SGCD: variants seen among roughly 807,000 people sequenced by gnomAD.
SGCD encodes the protein sarcoglycan delta, also known as delta-sarcoglycan.
In SGCD, 18 loss-of-function variants were observed where a neutral mutation model predicts 36.6. The ratio of observed to expected loss-of-function variants is 0.49; its 90% CI spans 0.34 to 0.73. SGCD has a LOEUF of 0.73. Ranked by LOEUF, SGCD falls within the 30% of genes least tolerant of loss-of-function variation. SGCD has a pLI of 0.01. For synonymous variants in SGCD, 133 were observed against 130.6 expected (o/e 1.02, Z -0.12); for missense variants, 387 against 346.7 (o/e 1.12, Z -0.92).
chr5:155,909,537 C>T (rs1476558648), intron 1 of SGCD, among the ~76,000 whole-genome samples: 1 of 152,100 alleles, frequency 6.6e-6, no homozygotes, highest in African/African-American at 2.4e-5. Flanking sequence ...AATGCCACTT[C>T]TAGGATGGAA....
chr5:155,898,768 T>A (rs1244433348), intron 1 of SGCD, among the ~76,000 whole-genome samples: 1 of 152,070 alleles, frequency 6.6e-6, no homozygotes, highest in Non-Finnish European at 1.5e-5. Flanking sequence ...GCTCGTGAGG[T>A]TGCTTTCGAA....
At chr5:155,799,475 C>T in the SGCD span, among the ~76,000 whole-genome samples, 2 of 151,346 alleles carry the variant, frequency 1.3e-5, no homozygotes, top group African/African-American at 4.9e-5. Flanking sequence ...CTCACTGCAA[C>T]CTTCGTCTCC....
chr5:156,462,416 G>T (rs957462536), intron 3 of SGCD, among the ~76,000 whole-genome samples: 144 of 152,172 alleles, frequency 9.5e-4, no homozygotes, highest in Admixed American at 2.7e-3. Flanking sequence ...AAACCAAAGA[G>T]ATATTTCTTA....
intron 1 of SGCD, among the ~76,000 whole-genome samples, chr5:156,083,439 C>G (rs760684364): frequency 4.3e-4 from 66 of 151,836 alleles, no homozygotes; most frequent in Non-Finnish European, 1.8e-4. Context: ...GGATTACAGG[C>G]ATGCGCCACC....
chr5:155,870,126 T>C (rs1241916299), upstream of SGCD, among the ~76,000 whole-genome samples: 1 of 152,194 alleles, frequency 6.6e-6, no homozygotes, highest in Non-Finnish European at 1.5e-5. Flanking sequence ...ACTCAGGCAG[T>C]GTGATATACT....
At chr5:156,431,537 C>G (rs896897134) in intron 3 of SGCD, among the ~76,000 whole-genome samples, 2 of 152,090 alleles carry the variant, frequency 1.3e-5, no homozygotes, top group Admixed American at 1.3e-4. Flanking sequence ...CCTACTGCCC[C>G]CAGCACTGCA....
chr5:156,032,076 AGGCCTGCATAT>A (rs932210121), intron 1 of SGCD, among the ~76,000 whole-genome samples: 1 of 152,114 alleles, frequency 6.6e-6, no homozygotes, highest in African/African-American at 2.4e-5. Flanking sequence ...GTTTCCTTCT[AGGCCTGCATAT>A]GAACACGTGT....
chr5:155,769,505 T>A, the SGCD span, among the ~76,000 whole-genome samples: 2 of 151,922 alleles, frequency 1.3e-5, no homozygotes, highest in Non-Finnish European at 2.9e-5. Flanking sequence ...GGATACAAGT[T>A]CATGAGTCTG....
rs1029958742 is a variant in SGCD, at chr5:156,359,091, C to T, written c.192+14414C>T. On this transcript the variant is annotated intron_variant, in intron 3 of 8. Coordinates refer to ENST00000337851, the MANE Select transcript of SGCD (RefSeq NM_000337.6). ...GTCATGACAGTTGGTTTCTTAAGGA[C>T]TATTTGGCTACCTTGTGGTATAATT... Among the ~76,000 whole-genome samples, 5 of 152,262 alleles carry T rather than the reference C, an allele frequency of 3.3e-5. No individual in the cohort carries two copies. The East Asian group carries it at 9.6e-4, about 29-fold the overall frequency.
chr5:155,861,091 A>G, the SGCD span, among the ~76,000 whole-genome samples: 7 of 152,200 alleles, frequency 4.6e-5, no homozygotes, highest in African/African-American at 1.7e-4. Context: ...TAGCTCATTT[A>G]TCACTTGTTC....
At chr5:156,061,227 C>T (rs1192124865) in intron 1 of SGCD, among the ~76,000 whole-genome samples, 1 of 144,488 alleles carries the variant, frequency 6.9e-6, no homozygotes, top group Non-Finnish European at 1.6e-5. Context: ...CCAAACCATA[C>T]ATAGTATGTC....
At chr5:156,099,503 C>T (rs540307434) in intron 1 of SGCD, among the ~76,000 whole-genome samples, 5 of 152,298 alleles carry the variant, frequency 3.3e-5, no homozygotes, top group African/African-American at 9.6e-5. Flanking sequence ...CAACCTCTGC[C>T]TCCCAGGCTC....
chr5:156,128,239 A>G (rs1284534842), intron 3 of SGCD, among the ~76,000 whole-genome samples: 1 of 152,196 alleles, frequency 6.6e-6, no homozygotes. Flanking sequence ...GAGAGCACCA[A>G]AAGTTAAAAG....
chr5:155,897,008 T>C (rs1280933568), intron 1 of SGCD, among the ~76,000 whole-genome samples: 5 of 152,228 alleles, frequency 3.3e-5, no homozygotes, highest in South Asian at 2.1e-4. Flanking sequence ...ATAATGCTCA[T>C]AATGATGTTT....
At chr5:156,072,150 T>C (rs1363650797) in intron 1 of SGCD, among the ~76,000 whole-genome samples, 4 of 150,004 alleles carry the variant, frequency 2.7e-5, no homozygotes, top group Non-Finnish European at 5.9e-5. Context: ...AATATTGTTA[T>C]GTGTGAATTT....
At chr5:156,014,684 T>C (rs1004050743) in intron 1 of SGCD, among the ~76,000 whole-genome samples, 1 of 152,230 alleles carries the variant, frequency 6.6e-6, no homozygotes, top group Non-Finnish European at 1.5e-5. Flanking sequence ...ATTGTCCCAG[T>C]AATGTTCTTT....
At chr5:156,294,627 T>C (rs919873646) in intron 3 of SGCD, among the ~76,000 whole-genome samples, 6 of 152,144 alleles carry the variant, frequency 3.9e-5, no homozygotes, top group Admixed American at 2.0e-4. Flanking sequence ...GTTTTTCATA[T>C]GTCTTTTATG....
chr5:156,740,796 G>GGGTTGTGAC (rs1756631777), intron 7 of SGCD, among the ~76,000 whole-genome samples: 2 of 152,264 alleles, frequency 1.3e-5, no homozygotes, highest in South Asian at 4.2e-4. Context: ...TAATTTGTGT[G>GGGTTGTGAC]GGTTGTGACC....
At chr5:156,654,310 G>A (rs1025481897) in intron 7 of SGCD, among the ~76,000 whole-genome samples, 5 of 152,104 alleles carry the variant, frequency 3.3e-5, no homozygotes, top group East Asian at 1.9e-4. Flanking sequence ...GAGAAAGTTT[G>A]TTGGGCCTGC....
Sources: gnomAD v4.1 joint callset for allele counts (sites outside exome capture counted in the v4.1 genomes callset) on GRCh38, gnomAD v4.1.1 for gene constraint, MANE v1.5 for transcripts, NCBI Gene and HGNC (gene_info 2026-07-23, HGNC 2026-07-21) for gene names.